The following PLOD3 variants were observed in gnomAD, a reference collection of about 807,000 sequenced individuals.
PLOD3 encodes the protein multifunctional procollagen lysine hydroxylase and glycosyltransferase LH3.
In PLOD3, 73 loss-of-function variants were observed where a neutral mutation model predicts 96.9. That is an observed-to-expected ratio of 0.75 (90% CI 0.62 to 0.92). The LOEUF (loss-of-function observed/expected upper bound fraction) is 0.92, where lower values mean the gene tolerates loss of function less well. Among genes scored for constraint, PLOD3 ranks in the 40% least tolerant of loss-of-function variants. The probability of loss-of-function intolerance (pLI) is 0.00; values close to 1 mark genes in which losing one functional copy is unlikely to be tolerated. For synonymous variants in PLOD3, 454 were observed against 413.7 expected (o/e 1.10, Z -1.18); for missense variants, 1,004 against 1,004.3 (o/e 1.00, Z 0.00).
In PLOD3 at chr7:101,206,267, A is replaced by G. The variant is rs558937812; in HGVS notation, c.*14T>C. ...GGCACAATGGCAGGGCAGGTTTGGC[A>G]GAGTGGTTGAGTGTCAGGGGTCGAC... On this transcript the variant is annotated 3_prime_UTR_variant, in exon 19 of 19. Coordinates refer to ENST00000223127, the MANE Select transcript of PLOD3 (RefSeq NM_001084.5). 1 of 1,613,572 alleles carries G rather than the reference A, an allele frequency of 6.2e-7. No homozygotes were observed. Among genetic ancestry groups the G allele is most frequent in the African/African-American group, 1.3e-5 (1 of 75,058 alleles).
chr7:101,211,913 A>C lies in PLOD3; in HGVS notation c.1165T>G (p.Phe389Val). 6.2e-7 allele frequency: 1 copy of C among 1,611,184 alleles called. No homozygotes were observed. ...CRQDPECEFY[F>V]SLDADAVLTN... ...AGGACAGCGTCGGCGTCCAGGCTGA[A>C]GTAGAACTCACACTCGGGGTCCTGC... The change falls in exon 11 of 19, where the codon TTC becomes GTC. Residue 389 changes from phenylalanine to valine, a missense_variant. Phe to Val is a conservative substitution (Grantham distance 50, BLOSUM62 -1). Around this residue, in one of 5 missense-constraint regions of PLOD3, gnomAD observed 690 missense variants for 650.2 expected, o/e 1.06. Coordinates refer to ENST00000223127, the MANE Select transcript of PLOD3 (RefSeq NM_001084.5).
intron 16 of PLOD3, chr7:101,208,461 G>A (rs1218404481): frequency 1.8e-5 from 6 of 336,312 alleles, no homozygotes; most frequent in South Asian, 7.2e-5. Flanking sequence ...GGCTGGTCTC[G>A]AACTCCTGAC....
intron 15 of PLOD3, 97 bp downstream of exon 15, chr7:101,209,995 TG>T (rs1798155815): frequency 1.7e-6 from 1 of 598,602 alleles, no homozygotes; most frequent in African/African-American, 1.9e-5. Flanking sequence ...CTCAGATCTC[TG>T]GGGAACTCAG....
intron 6 of PLOD3, among the ~76,000 whole-genome samples, chr7:101,214,380 C>T (rs1364671614): frequency 6.6e-6 from 1 of 152,042 alleles, no homozygotes; most frequent in African/African-American, 2.4e-5. Flanking sequence ...ATCCTCCTGC[C>T]TGGGCCTCCC....
rs1180516211 is a variant in PLOD3, at chr7:101,217,513, AG to A, written c.-240del. 2.4e-6 allele frequency: 1 copy of A among 409,132 alleles called. No homozygotes were observed. Among genetic ancestry groups the A allele is most frequent in the Non-Finnish European group, 4.3e-6 (1 of 231,380 alleles). The allele number at this position is 409,132 out of a possible 1,614,324, so 25.3% of individuals were successfully genotyped here. ...GTCCCGGGCGCACGGGAGGCGGGGG[AG>A]GGGCGGCGGCTCGGGCCGGCGGGCG... is the stretch of plus-strand genomic sequence containing the variant. On this transcript the variant is annotated 5_prime_UTR_variant, in exon 1 of 19. An upstream open reading frame in the 5' UTR loses its in-frame stop. Coordinates refer to ENST00000223127, the MANE Select transcript of PLOD3 (RefSeq NM_001084.5).
At chr7:101,209,814 T>C (rs1375418656) in intron 15 of PLOD3, 1 of 375,416 alleles carries the variant, frequency 2.7e-6, no homozygotes, top group Non-Finnish European at 4.8e-6. Flanking sequence ...GTGCTGGGAT[T>C]ACAGGCATGA....
chr7:101,207,063 C>A (rs1798098448), intron 17 of PLOD3, among the ~76,000 whole-genome samples, 159 bp from the exon 18 acceptor site: 1 of 152,090 alleles, frequency 6.6e-6, no homozygotes, highest in African/African-American at 2.4e-5. Context: ...GCAACCTCTG[C>A]CTCCCGGTTT....
At position 101,206,830 on chromosome 7, in the gene PLOD3, TGA is replaced by T; in HGVS notation, c.2008_2009del (p.Ser670IlefsTer17). 1 of 1,576,102 alleles carries T rather than the reference TGA, an allele frequency of 6.3e-7. No homozygotes were observed. Among genetic ancestry groups the T allele is most frequent in the Non-Finnish European group, 8.6e-7 (1 of 1,160,608 alleles). ...EQPSLRPHHD[S>X]STFTLNVALN... ...GGGCAACGTTGAGGGTGAAGGTGGA[TGA>T]GTCGTGGTGTGGCCGCAGAGACGGC... On this transcript the variant is annotated frameshift_variant, in exon 18 of 19. Transcript: ENST00000223127. LOFTEE classifies it high-confidence loss of function.
Position 101,217,484 on chromosome 7 carries a change from G to A in PLOD3, c.-210C>T, listed in dbSNP as rs561595837. Reference sequence around the variant, plus strand: ...ATGCCGGCGCCACAGACAAGGCGAGGATTGTCCCGGGCGCACGGGAGGCGG... The same window carrying A: ...ATGCCGGCGCCACAGACAAGGCGAGAATTGTCCCGGGCGCACGGGAGGCGG... On this transcript the variant is annotated 5_prime_UTR_variant, in exon 1 of 19. Transcript: ENST00000223127. 2.2e-3 allele frequency: 1,147 copies of A among 517,196 alleles called. 12 individuals carry two copies. Among genetic ancestry groups the A allele is most frequent in the Non-Finnish European group, 4.3e-4 (133 of 306,194 alleles). The allele number at this position is 517,196 out of a possible 1,614,324, so 32.0% of individuals were successfully genotyped here. A position where few individuals can be genotyped will look rare whatever the true frequency, so the allele number is the denominator to read the frequency against.
chr7:101,212,521 G>T lies in PLOD3; in HGVS notation c.1005+9C>A, dbSNP rs759337205. 5.0e-6 allele frequency: 8 copies of T among 1,613,332 alleles called. No individual in the cohort carries two copies. In the African/African-American group the frequency reaches 1.1e-4, roughly 22 times the overall value. On this transcript the variant is annotated intron_variant, in intron 9 of 18. Transcript: ENST00000223127. ...TCCCTCAGGAGAGGCTCCAACAGGG[G>T]AGTCTCACGTTGTTGTGCAGGAAAA...
Position 101,210,559 on chromosome 7 carries a change from C to T in PLOD3, c.1473G>A (p.Met491Ile). ...VFSGSDTDPD[M>I]AFCKSFRDKG... is the part of the protein sequence containing the mutation. ...TGTCTCGAAAGCTCTTACAGAAGGC[C>T]ATGTCCGGGTCTGTGTCACTGCCCG... is the stretch of plus-strand genomic sequence containing the variant. The change falls in exon 13 of 19, where the codon ATG becomes ATA. Residue 491 changes from methionine to isoleucine, a missense_variant. Transcript: ENST00000223127. 1 of 1,614,198 alleles carries T rather than the reference C, an allele frequency of 6.2e-7. No homozygotes were observed. The highest frequency in any genetic ancestry group is 1.1e-5 in the South Asian group (1 of 91,088).
intron 6 of PLOD3, 50 bp from the exon 7 acceptor site, chr7:101,213,254 C>A: frequency 8.4e-7 from 1 of 1,184,256 alleles, no homozygotes; most frequent in Non-Finnish European, 1.3e-6. Context: ...TGGGAGCTAC[C>A]AAGCAACACA....
chr7:101,216,832 G>T, intron 1 of PLOD3, 46 bp from the exon 2 acceptor site: 1 of 1,318,366 alleles, frequency 7.6e-7, no homozygotes, highest in Non-Finnish European at 1.1e-6. Context: ...GCCCAGCTCC[G>T]GGCCTCACGT....
At position 101,213,188 on chromosome 7, in the gene PLOD3, C is replaced by T. The variant is rs1447841269; in HGVS notation, c.696G>A (p.Lys232=). The change falls in exon 7 of 19, where the codon AAG becomes AAA. Residue 232 remains lysine, a synonymous_variant. Transcript: ENST00000223127. ...GGATACGCACACGGTTCCGATCAAA[C>T]TTTAAAACCACTTCATCTGGGGAAG... ...LNGALDEVVL[K]FDRNRVRIRN... The T allele has an allele frequency of 1.9e-6, 3 of 1,612,596 alleles. No individual in the cohort carries two copies. Among genetic ancestry groups the T allele is most frequent in the Non-Finnish European group, 2.5e-6 (3 of 1,178,786 alleles).
In PLOD3 at chr7:101,206,352, T is replaced by A; in HGVS notation, c.2146A>T (p.Thr716Ser). 2 of 1,613,738 alleles carry A rather than the reference T, an allele frequency of 1.2e-6. No homozygotes were observed. Among genetic ancestry groups the A allele is most frequent in the Non-Finnish European group, 1.7e-6 (2 of 1,179,822 alleles). ...GTTGGCAGCCCCTCGTGGTAGTGGG[T>A]GAGGCGGCCGGGGTGCAGGAGTGCC... ...GWALLHPGRL[T>S]HYHEGLPTTW... is the part of the protein sequence containing the mutation. Residue 716 changes from threonine (T) to serine (S), a missense_variant, in exon 19 of 19, where the codon ACC becomes TCC. Physicochemically the swap from Thr to Ser is moderately conservative, Grantham distance 58. Coordinates refer to ENST00000223127, the MANE Select transcript of PLOD3 (RefSeq NM_001084.5).
intron 4 of PLOD3, 38 bp downstream of exon 4, chr7:101,216,125 G>C (rs572023111): frequency 1.5e-5 from 24 of 1,613,162 alleles, no homozygotes; most frequent in Non-Finnish European, 2.0e-5. Context: ...GTGTCCCACC[G>C]CTCTTGGCCC....
chr7:101,212,770 C>T (rs1159896427), intron 8 of PLOD3, 72 bp downstream of exon 8: 5 of 1,569,928 alleles, frequency 3.2e-6, no homozygotes, highest in Non-Finnish European at 4.4e-6. Context: ...CACCGCCCCC[C>T]AGTCCGCTGT....
chr7:101,208,731 A>T (rs1022151721), intron 16 of PLOD3, 122 bp downstream of exon 16: 32 of 710,810 alleles, frequency 4.5e-5, no homozygotes, highest in Admixed American at 8.0e-5. Context: ...TTGTGACCCC[A>T]GGGTCTGCCT....
At chr7:101,211,567 G>C in intron 12 of PLOD3, 24 bp downstream of exon 12, 1 of 1,595,404 alleles carries the variant, frequency 6.3e-7, no homozygotes, top group Non-Finnish European at 8.5e-7. Flanking sequence ...AGGAGGCGGG[G>C]GGCTGCAGGC....
Sources: allele counts gnomAD v4.1 joint callset (sites outside exome capture counted in the v4.1 genomes callset), GRCh38; gene constraint gnomAD v4.1.1; regional missense constraint gnomAD v4.1.1; transcripts MANE v1.5; gene names NCBI Gene and HGNC (gene_info 2026-07-23, HGNC 2026-07-21).